The following TENM1 variants were observed in gnomAD, a reference collection of about 807,000 sequenced individuals.
TENM1 encodes teneurin-1.
TENM1 carries 35 observed loss-of-function variants against 174.8 expected under a neutral mutation model. The ratio of observed to expected loss-of-function variants is 0.20; its 90% CI spans 0.15 to 0.27. TENM1 has a LOEUF of 0.27. Among genes scored for constraint, TENM1 ranks in the 10% least tolerant of loss-of-function variants. TENM1 has a pLI of 1.00. For synonymous variants in TENM1, 781 were observed against 798.7 expected (o/e 0.98, Z 0.37); for missense variants, 1,633 against 2,130.1 (o/e 0.77, Z 4.59).
chrX:125,005,407 TTGTGTGTGTGTGTGTGTGTG>T, the TENM1 span, among the ~76,000 whole-genome samples: 1 of 89,479 alleles, frequency 1.1e-5, no homozygotes, highest in Non-Finnish European at 2.2e-5. Flanking sequence ...CCTGACTTGG[TTGTGTGTGTGTGTGTGTGTG>T]TGTGTGTGTG....
chrX:124,700,005 A>G (rs866132153), intron 5 of TENM1, among the ~76,000 whole-genome samples: 21 of 112,083 alleles, frequency 1.9e-4, no homozygotes, highest in African/African-American at 6.1e-4. Flanking sequence ...AGTATTAAGC[A>G]TGACAGCAAA....
intron 3 of TENM1, among the ~76,000 whole-genome samples, chrX:124,740,186 T>A (rs771047266): frequency 9.1e-6 from 1 of 110,343 alleles, no homozygotes; most frequent in South Asian, 3.9e-4. Context: ...AAAAGAGGAG[T>A]CAATTTGAGG....
At chrX:124,443,504 GAACAT>G (rs764414412) in intron 23 of TENM1, among the ~76,000 whole-genome samples, 2 of 112,058 alleles carry the variant, frequency 1.8e-5, no homozygotes, top group Non-Finnish European at 3.8e-5. Context: ...TCCTTATAGA[GAACAT>G]GCAAATGGGG....
chrX:124,606,552 A>G (rs1012318819), intron 11 of TENM1, among the ~76,000 whole-genome samples: 1 of 111,624 alleles, frequency 9.0e-6, no homozygotes, highest in Admixed American at 9.5e-5. Flanking sequence ...GAGAGGAAAC[A>G]AGATGGTTAG....
At chrX:125,043,356 C>T in the TENM1 span, among the ~76,000 whole-genome samples, 1 of 58,169 alleles carries the variant, frequency 1.7e-5, no homozygotes, top group South Asian at 1.2e-3. Flanking sequence ...GGGCGAAGGA[C>T]ATGAACAGAC....
the TENM1 span, among the ~76,000 whole-genome samples, chrX:125,026,558 T>C: frequency 1.8e-5 from 2 of 111,649 alleles, no homozygotes; most frequent in Non-Finnish European, 3.8e-5. Context: ...CTTGTGTAAC[T>C]ACGATACAAA....
At chrX:124,982,215 A>G in the TENM1 span, among the ~76,000 whole-genome samples, 1 of 48,415 alleles carries the variant, frequency 2.1e-5, no homozygotes, top group South Asian at 7.3e-4. Context: ...AAAATGTACT[A>G]AGTAGTTTTT....
intron 6 of TENM1, among the ~76,000 whole-genome samples, chrX:124,669,229 G>A (rs913312275): frequency 3.6e-5 from 4 of 111,598 alleles, no homozygotes; most frequent in Non-Finnish European, 5.6e-5. Context: ...CTGGCTGGGC[G>A]AGGTTGTGTC....
At chrX:124,673,259 G>A (rs755287526) in intron 5 of TENM1, among the ~76,000 whole-genome samples, 27 of 111,914 alleles carry the variant, frequency 2.4e-4, no homozygotes, top group Non-Finnish European at 4.0e-4. Context: ...GCTTAGCTAT[G>A]TGCTGGTGCC....
At chrX:124,739,119 G>A (rs1345462053) in intron 3 of TENM1, among the ~76,000 whole-genome samples, 1 of 111,944 alleles carries the variant, frequency 8.9e-6, no homozygotes, top group African/African-American at 3.2e-5. Context: ...GGAAAGAGGA[G>A]AGGACTTGGA....
intron 5 of TENM1, among the ~76,000 whole-genome samples, chrX:124,675,884 G>T (rs945312996): frequency 9.1e-6 from 1 of 109,581 alleles, no homozygotes; most frequent in African/African-American, 3.3e-5. Flanking sequence ...AGATTAGAAT[G>T]AAGTGAAGCC....
chrX:124,503,752 T>C (rs1446666641), intron 18 of TENM1, 49 bp from the exon 22 acceptor site: 7 of 1,087,660 alleles, frequency 6.4e-6, no homozygotes, highest in Middle Eastern at 2.5e-4. Context: ...AAATATTTGC[T>C]TCATGTTTAT....
chrX:125,162,381 C>G, the TENM1 span, among the ~76,000 whole-genome samples: 1 of 112,448 alleles, frequency 8.9e-6, no homozygotes, highest in Non-Finnish European at 1.9e-5. Context: ...CAGTAACTCA[C>G]TCACTGCAAT....
At chrX:124,645,202 G>A (rs1358173270) in exon 10 of TENM1, 1 of 1,209,580 alleles carries the variant, frequency 8.3e-7, no homozygotes, top group Non-Finnish European at 1.1e-6. Context: ...CATGATGCAG[G>A]TGCCGTGGCC....
At chrX:124,729,241 C>T (rs1472910712) in intron 4 of TENM1, among the ~76,000 whole-genome samples, 1 of 112,301 alleles carries the variant, frequency 8.9e-6, no homozygotes, top group Non-Finnish European at 1.9e-5. Context: ...AATTCATCTA[C>T]TTGCCAGCAG....
chrX:124,729,695 G>T (rs2053519942), intron 4 of TENM1, among the ~76,000 whole-genome samples: 1 of 112,103 alleles, frequency 8.9e-6, no homozygotes, highest in African/African-American at 3.2e-5. Flanking sequence ...GGGTAGACAG[G>T]GCATTGTTTT....
At chrX:125,077,077 A>C in the TENM1 span, among the ~76,000 whole-genome samples, 43 of 111,300 alleles carry the variant, frequency 3.9e-4, no homozygotes, top group African/African-American at 1.4e-3. Context: ...GTATTTCAAA[A>C]GTAATGAAGA....
intron 11 of TENM1, among the ~76,000 whole-genome samples, chrX:124,575,218 C>T (rs2843498): frequency 0.24 from 27,008 of 111,012 alleles, 2,445 homozygotes; most frequent in South Asian, 0.41. Flanking sequence ...AAAGATTTGG[C>T]TTTACTGTGG....
chrX:124,760,006 G>A (rs773338649), intron 3 of TENM1, among the ~76,000 whole-genome samples: 19 of 111,326 alleles, frequency 1.7e-4, no homozygotes, highest in East Asian at 2.8e-4. Flanking sequence ...TGCTGGTCCC[G>A]GATGAAGCCC....
Sources: gnomAD v4.1 joint callset for allele counts (sites outside exome capture counted in the v4.1 genomes callset) on GRCh38, gnomAD v4.1.1 for gene constraint, MANE v1.5 for transcripts, NCBI Gene and HGNC (gene_info 2026-07-23, HGNC 2026-07-21) for gene names.